Variants in ATP10B observed in about 807,000 individuals in gnomAD.
ATP10B encodes the protein ATPase phospholipid transporting 10B (putative).
ATP10B carries 122 observed loss-of-function variants against 141.2 expected under a neutral mutation model. The ratio of observed to expected loss-of-function variants is 0.86; its 90% CI spans 0.75 to 1.00. ATP10B has a LOEUF of 1.00. Ranked by LOEUF, ATP10B falls within the 50% of genes least tolerant of loss-of-function variation. ATP10B has a pLI of 0.00. For missense variants in ATP10B, 1,876 were observed against 1,825.3 expected (o/e 1.03, Z -0.51); for synonymous variants, 685 against 692.0 (o/e 0.99, Z 0.16).
chr5:160,888,507 C>T, the ATP10B span, among the ~76,000 whole-genome samples: 5 of 152,122 alleles, frequency 3.3e-5, no homozygotes, highest in Non-Finnish European at 5.9e-5. Flanking sequence ...CAGGGTCTGC[C>T]GCTGGTGAAA....
chr5:160,896,974 C>T, the ATP10B span, among the ~76,000 whole-genome samples: 1 of 152,142 alleles, frequency 6.6e-6, no homozygotes, highest in Admixed American at 6.5e-5. Context: ...CAGAAAATGC[C>T]TTTGATAAAA....
intron 1 of ATP10B, among the ~76,000 whole-genome samples, chr5:160,827,535 G>A (rs1316101654): frequency 1.3e-5 from 2 of 152,020 alleles, no homozygotes; most frequent in Non-Finnish European, 2.9e-5. Flanking sequence ...TATAAATTCT[G>A]GATATTAGAC....
At chr5:160,915,593 A>G in the ATP10B span, among the ~76,000 whole-genome samples, 1 of 152,156 alleles carries the variant, frequency 6.6e-6, no homozygotes, top group East Asian at 1.9e-4. Flanking sequence ...TGGCCTTCCA[A>G]AGTGCTGGGA....
rs373297595 is a variant in ATP10B, at chr5:160,793,590, G to A, written c.-575-7787C>T. ...TGAAAAATTTCTGTCACCTAATGCCGACATCATGGCTGTCACAACATTGTA... is the reference window on the plus strand; with the variant it reads ...TGAAAAATTTCTGTCACCTAATGCCAACATCATGGCTGTCACAACATTGTA... On this transcript the variant is annotated intron_variant, in intron 1 of 25. Coordinates refer to ENST00000327245, the MANE Select transcript of ATP10B (RefSeq NM_025153.3). 1.4e-4 allele frequency among the ~76,000 whole-genome samples: 22 copies of A among 152,272 alleles called. No individual in the cohort carries two copies. The South Asian group carries it at 3.5e-3, about 24-fold the overall frequency.
chr5:160,785,608 T>A lies in ATP10B; in HGVS notation c.-380A>T. ...TTCCTCTTTCTCCTTCCCTCCTTTT[T>A]GAAGTCTCAGTGTTTATTGTTCTCA... On this transcript the variant is annotated 5_prime_UTR_variant, in exon 2 of 26. Transcript: ENST00000327245. 9.0e-7 allele frequency: 1 copy of A among 1,110,958 alleles called. No individual in the cohort carries two copies. The highest frequency in any genetic ancestry group is 1.2e-6 in the Non-Finnish European group (1 of 826,336). The allele number at this position is 1,110,958 out of a possible 1,614,324, so 68.8% of individuals were successfully genotyped here.
intron 2 of ATP10B, among the ~76,000 whole-genome samples, chr5:160,775,095 G>A (rs1204751498): frequency 1.3e-5 from 2 of 152,192 alleles, no homozygotes; most frequent in Admixed American, 1.3e-4. Context: ...AACTCTGTTC[G>A]TGATCTGTAG....
intron 2 of ATP10B, among the ~76,000 whole-genome samples, chr5:160,741,053 T>A (rs1291691962): frequency 6.6e-6 from 1 of 152,188 alleles, no homozygotes; most frequent in East Asian, 1.9e-4. Flanking sequence ...AAGTTGCATA[T>A]TTATTCTGCA....
chr5:160,573,771 TG>T (rs1308328863), intron 24 of ATP10B, among the ~76,000 whole-genome samples: 1 of 152,158 alleles, frequency 6.6e-6, no homozygotes, highest in Non-Finnish European at 1.5e-5. Flanking sequence ...CCAAAAAGGT[TG>T]GGGACCACTG....
At chr5:160,627,222 A>C (rs1349592656) in intron 13 of ATP10B, among the ~76,000 whole-genome samples, 1 of 152,136 alleles carries the variant, frequency 6.6e-6, no homozygotes, top group Non-Finnish European at 1.5e-5. Flanking sequence ...ATGCCCCAGT[A>C]TGATATAGCT....
At chr5:160,758,592 C>T (rs901911536) in intron 2 of ATP10B, among the ~76,000 whole-genome samples, 1 of 152,164 alleles carries the variant, frequency 6.6e-6, no homozygotes, top group Non-Finnish European at 1.5e-5. Context: ...GCCTCTTTCC[C>T]GTACTCTGTC....
At chr5:160,634,296 A>G (rs867925267) in intron 12 of ATP10B, 58 bp downstream of exon 12, 1 of 1,612,428 alleles carries the variant, frequency 6.2e-7, no homozygotes, top group African/African-American at 1.3e-5. Context: ...CTCGTTTCTT[A>G]GGAGAGCAGG....
chr5:160,907,549 C>T, the ATP10B span, among the ~76,000 whole-genome samples: 4 of 152,026 alleles, frequency 2.6e-5, no homozygotes, highest in African/African-American at 9.7e-5. Context: ...TTTGTAGACA[C>T]AGGATCTCAC....
chr5:160,760,581 A>G (rs1768957917), intron 2 of ATP10B, among the ~76,000 whole-genome samples: 1 of 152,244 alleles, frequency 6.6e-6, no homozygotes, highest in Non-Finnish European at 1.5e-5. Flanking sequence ...AATAAAAAAT[A>G]AAACCAATCA....
intron 24 of ATP10B, among the ~76,000 whole-genome samples, chr5:160,571,887 A>G (rs141836604): frequency 6.6e-6 from 1 of 152,288 alleles, no homozygotes; most frequent in Non-Finnish European, 1.5e-5. Context: ...AGAGGAAAAA[A>G]ATCTTTGCAG....
chr5:160,814,057 A>T lies in ATP10B; in HGVS notation c.-575-28254T>A, dbSNP rs1581583191. Among the ~76,000 whole-genome samples, 3 of 152,250 alleles carry T rather than the reference A, an allele frequency of 2.0e-5. No homozygotes were observed. The East Asian group carries it at 5.8e-4, about 29-fold the overall frequency. ...AAAAAACAGAGCAGAAAAACCAGAA[A>T]CTCTAAAAATCAGAGCACCTCTCCT... On this transcript the variant is annotated intron_variant, in intron 1 of 25. Transcript: ENST00000327245.
chr5:160,653,161 T>TTATTATATATACA (rs1561703245), intron 7 of ATP10B, among the ~76,000 whole-genome samples: 1 of 130,334 alleles, frequency 7.7e-6, no homozygotes, highest in African/African-American at 3.0e-5. Flanking sequence ...AAATACATAA[T>TTATTATATATACA]ATATATTATA....
chr5:160,914,176 G>A, the ATP10B span, among the ~76,000 whole-genome samples: 1 of 152,092 alleles, frequency 6.6e-6, no homozygotes, highest in Non-Finnish European at 1.5e-5. Context: ...GTTTTTTTAT[G>A]TTTTGCCTGG....
intron 2 of ATP10B, among the ~76,000 whole-genome samples, chr5:160,773,590 T>G (rs958188260): frequency 1.1e-4 from 16 of 152,020 alleles, no homozygotes; most frequent in Non-Finnish European, 1.9e-4. Flanking sequence ...AGCTGAAGAG[T>G]TATAGATTTG....
chr5:160,804,490 A>T (rs1772636214), intron 1 of ATP10B, among the ~76,000 whole-genome samples: 2 of 152,320 alleles, frequency 1.3e-5, no homozygotes, highest in South Asian at 4.1e-4. Context: ...ATGGATGAGT[A>T]CTGACATTTT....
Sources: allele counts gnomAD v4.1 joint callset (sites outside exome capture counted in the v4.1 genomes callset), GRCh38; gene constraint gnomAD v4.1.1; transcripts MANE v1.5; gene names NCBI Gene and HGNC (gene_info 2026-07-23, HGNC 2026-07-21).